Variants in PDE12 observed in about 807,000 individuals in gnomAD.
PDE12 encodes the protein 2',5'-phosphodiesterase 12.
A neutral mutation model predicts 45.4 loss-of-function variants in PDE12; 26 were observed. The ratio of observed to expected loss-of-function variants is 0.57; its 90% CI spans 0.42 to 0.79. The LOEUF (loss-of-function observed/expected upper bound fraction) is 0.79. PDE12 is among the 30% of genes least tolerant of loss of function. The pLI, the probability that PDE12 is intolerant of heterozygous loss-of-function variation, is 0.00. For missense variants in PDE12, 668 were observed against 790.0 expected (o/e 0.85, Z 1.85); for synonymous variants, 283 against 323.9 (o/e 0.87, Z 1.36).
Position 57,559,995 on chromosome 3 carries a change from A to G in PDE12, c.1821A>G (p.Lys607=). 6.3e-7 allele frequency: 1 copy of G among 1,599,048 alleles called. No homozygotes were observed. The highest frequency in any genetic ancestry group is 1.1e-5 in the South Asian group (1 of 90,022). ...ACATAGCACTTGTATGTGATTTAAA[A>G]TGGAAATAGATGTGTGTTTAATGGA... is the stretch of plus-strand genomic sequence containing the variant. ...SDHIALVCDL[K]WK Residue 607 remains lysine, a synonymous_variant, in exon 3 of 3, where the codon AAA becomes AAG. Transcript: ENST00000311180.
the PDE12 span, among the ~76,000 whole-genome samples, chr3:57,625,120 A>C: frequency 6.6e-6 from 1 of 152,112 alleles, no homozygotes; most frequent in African/African-American, 2.4e-5. Context: ...GCCTAGGCAG[A>C]TCTTGAACTC....
At chr3:57,647,953 C>T in the PDE12 span, among the ~76,000 whole-genome samples, 1 of 151,784 alleles carries the variant, frequency 6.6e-6, no homozygotes, top group Non-Finnish European at 1.5e-5. Flanking sequence ...ATGTCAGGGC[C>T]CAGTGGGGAT....
chr3:57,566,267 G>C lies in PDE12; in HGVS notation c.*6263G>C, dbSNP rs540064471. 4 of 152,082 alleles carry C rather than the reference G, an allele frequency of 2.6e-5. No homozygotes were observed. The highest frequency in any genetic ancestry group is 9.7e-5 in the African/African-American group (4 of 41,392). 9.4% of individuals were successfully genotyped at this position (152,082 alleles called of 1,614,324 possible). A position where few individuals can be genotyped will look rare whatever the true frequency, so the allele number is the denominator to read the frequency against. On this transcript the variant is annotated 3_prime_UTR_variant, in exon 3 of 3. Transcript: ENST00000311180. ...TAATTTATGTAGTCTTTTGTGACTG[G>C]CTTCTTTTACTTAGGATGTTTTTAA...
downstream of PDE12, among the ~76,000 whole-genome samples, chr3:57,568,324 G>A (rs7637236): frequency 0.39 from 58,508 of 151,594 alleles, 12,613 homozygotes; most frequent in South Asian, 0.56. Flanking sequence ...GACTGATGGC[G>A]TGGGCCTGTA....
the PDE12 span, among the ~76,000 whole-genome samples, chr3:57,621,484 A>G: frequency 6.6e-5 from 10 of 152,066 alleles, no homozygotes; most frequent in South Asian, 2.1e-4. Flanking sequence ...AGCCTGGCCA[A>G]TATGGTGAAA....
the PDE12 span, among the ~76,000 whole-genome samples, chr3:57,593,030 C>A: frequency 6.6e-6 from 1 of 152,072 alleles, no homozygotes; most frequent in African/African-American, 2.4e-5. Context: ...AGAGCAAGAC[C>A]CCCATTCTCT....
chr3:57,570,996 T>C (rs891767827), downstream of PDE12, among the ~76,000 whole-genome samples: 1 of 151,506 alleles, frequency 6.6e-6, no homozygotes, highest in African/African-American at 2.4e-5. Flanking sequence ...TTGTTGTTGT[T>C]TTGTTTTTAG....
chr3:57,623,442 G>A, the PDE12 span, among the ~76,000 whole-genome samples: 1 of 152,216 alleles, frequency 6.6e-6, no homozygotes, highest in African/African-American at 2.4e-5. Flanking sequence ...ACTTTGGGAG[G>A]CTGAGGCGGG....
At chr3:57,559,208 G>C (rs1014161506) in intron 1 of PDE12, 102 bp from the exon 2 acceptor site, 1 of 931,346 alleles carries the variant, frequency 1.1e-6, no homozygotes, top group Non-Finnish European at 1.7e-6. Context: ...TTGACAGAGT[G>C]AGACTGTCTC....
chr3:57,588,068 G>C, the PDE12 span, among the ~76,000 whole-genome samples: 1 of 151,994 alleles, frequency 6.6e-6, no homozygotes, highest in Admixed American at 6.6e-5. Flanking sequence ...GCAATATTTG[G>C]CAATGAAATT....
chr3:57,605,490 G>C, the PDE12 span, among the ~76,000 whole-genome samples: 1 of 152,018 alleles, frequency 6.6e-6, no homozygotes, highest in Non-Finnish European at 1.5e-5. Flanking sequence ...ACTCAAAAAG[G>C]TCTTGCCTCA....
the PDE12 span, chr3:57,597,236 G>A: frequency 2.3e-5 from 28 of 1,211,494 alleles, no homozygotes; most frequent in Middle Eastern, 1.9e-4. Flanking sequence ...AAACGAGAGG[G>A]AAGAGAAAGA....
chr3:57,646,191 A>G, the PDE12 span: 13 of 1,343,376 alleles, frequency 9.7e-6, no homozygotes, highest in Middle Eastern at 1.9e-4. Context: ...GGGTTTTTGC[A>G]TGGATCAATG....
In PDE12 at chr3:57,556,317, C is replaced by T. The variant is rs778410954; in HGVS notation, c.-63C>T. The stretch of plus-strand genomic sequence containing the variant: ...AAAGCCGGCGGCCTCGGCTCCTCAG[C>T]TCCACCTGACAGTAGGCCGCTGATC... On this transcript the variant is annotated 5_prime_UTR_variant, in exon 1 of 3. Transcript: ENST00000311180. The surrounding 1 kb of genome is among the most constrained non-coding windows in gnomAD (Gnocchi z 5.0). The T allele has an allele frequency of 1.3e-4, 191 of 1,473,582 alleles. No individual in the cohort carries two copies. The highest frequency in any genetic ancestry group is 1.2e-4 in the Non-Finnish European group (131 of 1,108,902). The allele number at this position is 1,473,582 out of a possible 1,614,324, so 91.3% of individuals were successfully genotyped here.
In PDE12 at chr3:57,562,172, G is replaced by A. The variant is rs1202871541; in HGVS notation, c.*2168G>A. Reference sequence around the variant, plus strand: ...ACATCAAAAAGTTGAGAAACATTTTGAAAGAAAAAATTCGAACATGCCCAT... The same window carrying A: ...ACATCAAAAAGTTGAGAAACATTTTAAAAGAAAAAATTCGAACATGCCCAT... On this transcript the variant is annotated 3_prime_UTR_variant, in exon 3 of 3. Coordinates refer to ENST00000311180, the MANE Select transcript of PDE12 (RefSeq NM_177966.7). 37 of 926,220 alleles carry A rather than the reference G, an allele frequency of 4.0e-5. No individual in the cohort carries two copies. Among genetic ancestry groups the A allele is most frequent in the Non-Finnish European group, 4.8e-5 (37 of 776,338 alleles). 57.4% of individuals were successfully genotyped at this position (926,220 alleles called of 1,614,324 possible).
chr3:57,632,721 T>TA, the PDE12 span, among the ~76,000 whole-genome samples: 2 of 152,228 alleles, frequency 1.3e-5, 1 homozygote, highest in Non-Finnish European at 2.9e-5. Context: ...TATACTTTAA[T>TA]ATGACATCCT....
chr3:57,606,846 G>A, the PDE12 span, among the ~76,000 whole-genome samples: 3 of 152,146 alleles, frequency 2.0e-5, no homozygotes, highest in Admixed American at 6.5e-5. Context: ...CAGTGTGAGT[G>A]ACACAGAAGA....
the PDE12 span, chr3:57,627,130 A>C: frequency 2.0e-5 from 3 of 152,050 alleles, no homozygotes; most frequent in Non-Finnish European, 2.9e-5. Context: ...ATAATATTTA[A>C]ATTAGTATTT....
the PDE12 span, among the ~76,000 whole-genome samples, chr3:57,624,771 A>C: frequency 1.3e-5 from 2 of 152,230 alleles, no homozygotes; most frequent in Non-Finnish European, 2.9e-5. Context: ...CTCAAGAAAA[A>C]AAAAAGAATA....
Sources: allele counts gnomAD v4.1 joint callset (sites outside exome capture counted in the v4.1 genomes callset), GRCh38; gene constraint gnomAD v4.1.1; non-coding constraint Gnocchi (gnomAD v3.1); transcripts MANE v1.5; gene names NCBI Gene and HGNC (gene_info 2026-07-23, HGNC 2026-07-21).